Variants in SH3TC1 observed in about 807,000 individuals in gnomAD.
SH3TC1 encodes the protein SH3 domain and tetratricopeptide repeats 1, also known as SH3 domain and tetratricopeptide repeat-containing protein 1.
SH3TC1 carries 135 observed loss-of-function variants against 117.3 expected under a neutral mutation model. The ratio of observed to expected loss-of-function variants is 1.15; its 90% CI spans 1.00 to 1.33. The LOEUF is 1.33. Among genes scored for constraint, SH3TC1 ranks in the 40% most tolerant of loss-of-function variants. The pLI is 0.00. For missense variants in SH3TC1, 2,092 were observed against 1,794.3 expected, an observed-to-expected ratio of 1.17 and a Z score of -3.00; for synonymous variants, 898 against 816.9, an observed-to-expected ratio of 1.10 and a Z score of -1.69.
At chr4:8,197,074 T>C (rs1472491556), upstream of SH3TC1, among the ~76,000 whole-genome samples, 1 of 152,178 alleles carries the variant, frequency 6.6e-6, no homozygotes, top group African/African-American at 2.4e-5. Context: ...GAGATCATCT[T>C]GGGTTATTTA....
chr4:8,199,631 A>C, intron 1 of SH3TC1, among the ~76,000 whole-genome samples: 1 of 152,196 alleles, frequency 6.6e-6, no homozygotes, highest in East Asian at 1.9e-4. Flanking sequence ...GCAGTGATTG[A>C]GGGCAATGAT....
At chr4:8,187,126 G>A (rs1391107829) in intron 1 of SH3TC1, among the ~76,000 whole-genome samples, 1 of 152,084 alleles carries the variant, frequency 6.6e-6, no homozygotes, top group Non-Finnish European at 1.5e-5. Flanking sequence ...ATCCTCACTC[G>A]TACCCTCTGC....
chr4:8,224,291 AACATTTGT>A (rs1366541299), intron 10 of SH3TC1, among the ~76,000 whole-genome samples: 2 of 152,226 alleles, frequency 1.3e-5, no homozygotes, highest in East Asian at 3.8e-4. Flanking sequence ...TATTAGAGTT[AACATTTGT>A]AGATCCCACA....
rs903719612 is a variant in SH3TC1 at position 8,233,297 on chromosome 4, C to T, written c.3132-66C>T. 104 of 1,535,532 alleles carry T rather than the reference C, an allele frequency of 6.8e-5. 1 individual carries two copies. Among genetic ancestry groups the T allele is most frequent in the Middle Eastern group, 1.8e-4 (1 of 5,442 alleles). On this transcript the variant is annotated intron_variant, in intron 13 of 17. Coordinates refer to ENST00000245105, the MANE Select transcript of SH3TC1 (RefSeq NM_018986.5). ...CCAGATTCATCTGTCACCAGACCCA[C>T]GGGAGGAGGCAGACTGGTTCCAGGA...
chr4:8,202,561 G>T (rs1368227933), intron 1 of SH3TC1, among the ~76,000 whole-genome samples: 2 of 152,206 alleles, frequency 1.3e-5, no homozygotes, highest in Admixed American at 6.5e-5. Flanking sequence ...GGTGGTTGGG[G>T]GGTGGGAAGG....
At chr4:8,204,825 C>T (rs930425032) in intron 1 of SH3TC1, 5 of 190,206 alleles carry the variant, frequency 2.6e-5, no homozygotes, top group East Asian at 2.5e-4. Context: ...TTGGGTGTGA[C>T]GGCCCAGCAA....
In SH3TC1 at chr4:8,232,083, G is replaced by A. The variant is rs1370117911; in HGVS notation, c.3058G>A (p.Val1020Met). 2 of 1,613,298 alleles carry A rather than the reference G, an allele frequency of 1.2e-6. No homozygotes were observed. The highest frequency in any genetic ancestry group is 1.3e-5 in the African/African-American group (1 of 74,886). Residue 1020 changes from valine (V) to methionine (M), a missense_variant, in exon 13 of 18, where the codon GTG (valine) becomes ATG (methionine). Coordinates refer to ENST00000245105, the MANE Select transcript of SH3TC1 (RefSeq NM_018986.5). Reference protein sequence around the residue: ...HELQLSLACKVADKVLEGQLL... With the variant: ...HELQLSLACKMADKVLEGQLL... ...GCTCCAGCTCTCCCTGGCCTGCAAGGTGGCCGACAAGGTGCTGGAGGGGCA... is the reference window on the plus strand; with the variant it reads ...GCTCCAGCTCTCCCTGGCCTGCAAGATGGCCGACAAGGTGCTGGAGGGGCA...
At chr4:8,200,676 C>T (rs559325846) in intron 1 of SH3TC1, among the ~76,000 whole-genome samples, 3 of 152,348 alleles carry the variant, frequency 2.0e-5, no homozygotes, top group African/African-American at 4.8e-5. Flanking sequence ...GCTGCCAGAG[C>T]GCAGGACACA....
intron 1 of SH3TC1, among the ~76,000 whole-genome samples, chr4:8,199,710 G>A (rs564650059): frequency 5.3e-5 from 8 of 152,292 alleles, no homozygotes; most frequent in Middle Eastern, 3.4e-3. Context: ...TGGCATGAGC[G>A]GCCCTGGGGG....
In SH3TC1 at chr4:8,209,799, G is replaced by C. The variant is rs570505854; in HGVS notation, c.224G>C (p.Cys75Ser). ...GGGCCTGCTGCTGGGACCCCTCCCT[G>C]CCAGATGGGGGTTTATCCCACAGGT... ...VAGPAAGTPPCQMGVYPTDLT... is the reference protein window; with the variant it reads ...VAGPAAGTPPSQMGVYPTDLT... Residue 75 changes from cysteine to serine, a missense_variant, in exon 3 of 18, where the codon TGC (cysteine) becomes TCC (serine). Cys to Ser is a moderately radical substitution (Grantham distance 112). Coordinates refer to ENST00000245105, the MANE Select transcript of SH3TC1 (RefSeq NM_018986.5). The surrounding 1 kb of genome is among the most constrained non-coding windows in gnomAD (Gnocchi z 5.9). 5 of 1,613,556 alleles carry C rather than the reference G, an allele frequency of 3.1e-6. No homozygotes were observed. The East Asian group carries it at 1.1e-4, about 36-fold the overall frequency.
chr4:8,201,217 CCCACAT>C (rs1346178987), intron 1 of SH3TC1, among the ~76,000 whole-genome samples: 2 of 152,230 alleles, frequency 1.3e-5, no homozygotes, highest in African/African-American at 4.8e-5. Flanking sequence ...CTTCTTCCAA[CCCACAT>C]TCACCAAACT....
At position 8,240,946 on chromosome 4, in the gene SH3TC1, C is replaced by T; in HGVS notation, c.4002C>T (p.His1334=). Residue 1334 remains histidine, a synonymous_variant, in exon 18 of 18, where the codon CAC becomes CAT. Coordinates refer to ENST00000245105, the MANE Select transcript of SH3TC1 (RefSeq NM_018986.5). ...CGWAPWLAPS[H]PR ...GGGCCCCCTGGTTGGCCCCCAGCCA[C>T]CCTCGCTGAGGACAGCATCCAAGGG... 1 of 1,610,132 alleles carries T rather than the reference C, an allele frequency of 6.2e-7. No homozygotes were observed. The highest frequency in any genetic ancestry group is 1.1e-5 in the South Asian group (1 of 91,080).
At position 8,203,721 on chromosome 4, in the gene SH3TC1, A is replaced by G. The variant is rs899155762; in HGVS notation, c.-28-1446A>G. The stretch of plus-strand genomic sequence containing the variant: ...CTGGGACAGACTTTGTGGCGCATGG[A>G]CTCGTCCCCCTGCTCCTGGCTTGAA... On this transcript the variant is annotated intron_variant, in intron 1 of 17. Coordinates refer to ENST00000245105, the MANE Select transcript of SH3TC1 (RefSeq NM_018986.5). 2.6e-5 allele frequency among the ~76,000 whole-genome samples: 4 copies of G among 152,006 alleles called. No homozygotes were observed. The East Asian group carries it at 7.8e-4, about 30-fold the overall frequency.
Position 8,237,623 on chromosome 4 carries a change from G to A in SH3TC1, c.3706G>A (p.Val1236Met), listed in dbSNP as rs1362957399. ...LEFDEETLYY[V>M]KVYLVLGDII... ...GTTTGACGAGGAGACCCTCTACTACGTGAAGGTGTACCTGGTGCTCGGTGA... is the reference window on the plus strand; with the variant it reads ...GTTTGACGAGGAGACCCTCTACTACATGAAGGTGTACCTGGTGCTCGGTGA... Residue 1236 changes from valine (V) to methionine (M), a missense_variant, in exon 17 of 18, where the codon GTG becomes ATG. By Grantham distance (21) the Val-to-Met change is conservative. Coordinates refer to ENST00000245105, the MANE Select transcript of SH3TC1 (RefSeq NM_018986.5). 1.9e-6 allele frequency: 3 copies of A among 1,611,810 alleles called. No homozygotes were observed. The highest frequency in any genetic ancestry group is 2.5e-6 in the Non-Finnish European group (3 of 1,179,216).
rs535570017 is a variant in SH3TC1, at chr4:8,210,247, C to T, written c.247+425C>T. On this transcript the variant is annotated intron_variant, in intron 3 of 17. Coordinates refer to ENST00000245105, the MANE Select transcript of SH3TC1 (RefSeq NM_018986.5). This position sits in a 1 kb window ranked among gnomAD's most constrained non-coding sequence, Gnocchi z 4.1. Reference sequence around the variant, plus strand: ...GCAGCCCTGGGCCGGGGAGCAGAGCCCACAAAGGGGGCCCAGGAAGCTGCT... The same window carrying T: ...GCAGCCCTGGGCCGGGGAGCAGAGCTCACAAAGGGGGCCCAGGAAGCTGCT... Among the ~76,000 whole-genome samples, 1 of 152,290 alleles carries T rather than the reference C, an allele frequency of 6.6e-6. No individual in the cohort carries two copies. Among genetic ancestry groups the T allele is most frequent in the East Asian group, 1.9e-4 (1 of 5,168 alleles).
chr4:8,191,958 CATTTATTT>C lies in SH3TC1; in HGVS notation c.-57+9784_-57+9791del, dbSNP rs10705534. ...GGGGCAGGAGCTGATCTCTGAGTTA[CATTTATTT>C]ATTTATTTATTTATTTATTTATTTA... On this transcript the variant is annotated intron_variant, in intron 1 of 16. Transcript: ENST00000508641. Among the ~76,000 whole-genome samples, 110 of 148,216 alleles carry C rather than the reference CATTTATTT, an allele frequency of 7.4e-4. 1 individual carries two copies. The highest frequency in any genetic ancestry group is 1.0e-3 in the Non-Finnish European group (70 of 67,562).
In SH3TC1 at chr4:8,209,969, T is replaced by C; in HGVS notation, c.247+147T>C. 2.3e-6 allele frequency: 2 copies of C among 882,092 alleles called. No individual in the cohort carries two copies. The highest frequency in any genetic ancestry group is 3.4e-5 in the South Asian group (2 of 58,298). The allele number at this position is 882,092 out of a possible 1,614,324, so 54.6% of individuals were successfully genotyped here. ...TCATGATGGGAATAGAAAGAAGGGT[T>C]TGTTAAATGCGCATGCCCAGGTCCT... On this transcript the variant is annotated intron_variant, in intron 3 of 17. Coordinates refer to ENST00000245105, the MANE Select transcript of SH3TC1 (RefSeq NM_018986.5). The surrounding 1 kb of genome is among the most constrained non-coding windows in gnomAD (Gnocchi z 5.9).
At position 8,205,498 on chromosome 4, in the gene SH3TC1, C is replaced by T. The variant is rs59307021; in HGVS notation, c.172+132C>T. The T allele has an allele frequency of 2.1e-5, 26 of 1,232,126 alleles. No individual in the cohort carries two copies. The African/African-American group carries it at 3.7e-4, about 18-fold the overall frequency. The allele number at this position is 1,232,126 out of a possible 1,614,324, so 76.3% of individuals were successfully genotyped here. On this transcript the variant is annotated intron_variant, in intron 2 of 17. Transcript: ENST00000245105. The surrounding 1 kb of genome is among the most constrained non-coding windows in gnomAD (Gnocchi z 5.4). ...GGGGCTGGGGCTGGAGTCTGCTCTCCATCACTTCTCGTTTCCTTCCCCCGC... is the reference window on the plus strand; with the variant it reads ...GGGGCTGGGGCTGGAGTCTGCTCTCTATCACTTCTCGTTTCCTTCCCCCGC...
At chr4:8,185,652 G>T (rs1348097241) in intron 1 of SH3TC1, among the ~76,000 whole-genome samples, 1 of 152,234 alleles carries the variant, frequency 6.6e-6, no homozygotes, top group Non-Finnish European at 1.5e-5. Context: ...GGCACTCAGA[G>T]AAAGCCTTGC....
Sources: allele counts gnomAD v4.1 joint callset (sites outside exome capture counted in the v4.1 genomes callset), GRCh38; gene constraint gnomAD v4.1.1; non-coding constraint Gnocchi (gnomAD v3.1); transcripts MANE v1.5; gene names NCBI Gene and HGNC (gene_info 2026-07-23, HGNC 2026-07-21).